The following ARRB1 variants were observed in gnomAD, a reference collection of about 807,000 sequenced individuals.
The protein encoded by ARRB1 is arrestin beta 1.
ARRB1 carries 21 observed loss-of-function variants against 56.8 expected under a neutral mutation model. That is an observed-to-expected ratio of 0.37 (90% confidence interval 0.26 to 0.53). The LOEUF (loss-of-function observed/expected upper bound fraction) is 0.53, where lower values mean the gene tolerates loss of function less well. ARRB1 is among the 20% of genes least tolerant of loss of function. The pLI is 0.88. For synonymous variants in ARRB1, 210 were observed against 218.6 expected, an observed-to-expected ratio of 0.96 and a Z score of 0.35; for missense variants, 424 against 553.7, an observed-to-expected ratio of 0.77 and a Z score of 2.35.
chr11:75,266,259 T>C lies in ARRB1; in HGVS notation c.1161A>G (p.Val387=), dbSNP rs368908739. The change falls in exon 16 of 16, where the codon GTA becomes GTG. Residue 387 remains valine (V), a synonymous_variant. Transcript: ENST00000420843. Reference sequence around the variant, plus strand: ...GTCTCTGGCGAGCAAAGTCCTCAAATACAATGTCGTCATCACTGGTGGGAG... The same window carrying C: ...GTCTCTGGCGAGCAAAGTCCTCAAACACAATGTCGTCATCACTGGTGGGAG... ...IELDTNDDDI[V]FEDFARQRLK... is the part of the protein sequence containing the mutation. 42 of 1,614,002 alleles carry C rather than the reference T, an allele frequency of 2.6e-5. No individual in the cohort carries two copies. The highest frequency in any genetic ancestry group is 3.5e-5 in the Non-Finnish European group (41 of 1,179,974).
rs189085145 is a variant in ARRB1 at position 75,320,462 on chromosome 11, G to C, written c.21-30423C>G. ...GCGGGAAAGAAGCTGAGGCCTCCAA[G>C]GGCGGGTGGCTGGATGGTGGCCCTG... On this transcript the variant is annotated intron_variant, in intron 1 of 15. Coordinates refer to ENST00000420843, the MANE Select transcript of ARRB1 (RefSeq NM_004041.5). 2.4e-3 allele frequency among the ~76,000 whole-genome samples: 364 copies of C among 152,348 alleles called. 3 individuals are homozygous for C. The highest frequency in any genetic ancestry group is 8.1e-3 in the African/African-American group (336 of 41,572).
At chr11:75,290,157 G>A (rs1204827262) in intron 1 of ARRB1, 118 bp from the exon 2 acceptor site, 3 of 1,233,058 alleles carry the variant, frequency 2.4e-6, no homozygotes, top group East Asian at 4.7e-5. Context: ...CAGGCACCAT[G>A]CAGGCTTGAG....
intron 1 of ARRB1, among the ~76,000 whole-genome samples, chr11:75,347,764 G>C (rs1947794433): frequency 6.6e-6 from 1 of 152,142 alleles, no homozygotes; most frequent in East Asian, 1.9e-4. Flanking sequence ...TACACTACTA[G>C]ATTACAGTTG....
At chr11:75,350,517 C>T (rs1030871267) in intron 1 of ARRB1, among the ~76,000 whole-genome samples, 1 of 152,168 alleles carries the variant, frequency 6.6e-6, no homozygotes, top group Non-Finnish European at 1.5e-5. Context: ...AACGCTGAGC[C>T]CCTGACCAGC....
At chr11:75,315,849 T>G (rs1947255590) in intron 1 of ARRB1, among the ~76,000 whole-genome samples, 1 of 152,228 alleles carries the variant, frequency 6.6e-6, no homozygotes, top group African/African-American at 2.4e-5. Flanking sequence ...TCAGCAGGGC[T>G]AGAATTTATA....
Position 75,283,474 on chromosome 11 carries a change from G to A in ARRB1, c.167C>T (p.Thr56Met), listed in dbSNP as rs768631559. ...GCCATAGCGGAAGGCGCAGGTCAGC[G>A]TCACATAGACTGTGGGGAGCGAGGA... ...EYLKERRVYV[T>M]LTCAFRYGRE... Residue 56 changes from threonine to methionine, a missense_variant, in exon 5 of 16, where the codon ACG (threonine) becomes ATG (methionine). Transcript: ENST00000420843. 20 of 1,610,594 alleles carry A rather than the reference G, an allele frequency of 1.2e-5. No individual in the cohort carries two copies. In the South Asian group the frequency reaches 1.4e-4, roughly 12 times the overall value.
In ARRB1 at chr11:75,261,634, G is replaced by A. The variant is rs1237900436; in HGVS notation, c.*4529C>T. ...ACTTCCCTTTTGGGGTGACGAGTTG[G>A]AGTGTGATGGGGGGAGGATGTTTCC... On this transcript the variant is annotated 3_prime_UTR_variant, in exon 16 of 16. Transcript: ENST00000420843. The A allele has an allele frequency of 6.6e-6, 1 of 152,228 alleles. No individual in the cohort carries two copies. The highest frequency in any genetic ancestry group is 6.5e-5 in the Admixed American group (1 of 15,280). The allele number at this position is 152,228 out of a possible 1,614,324, so 9.4% of individuals were successfully genotyped here.
intron 6 of ARRB1, 28 bp downstream of exon 6, chr11:75,281,934 G>C: frequency 6.2e-7 from 1 of 1,611,668 alleles, no homozygotes; most frequent in Non-Finnish European, 8.5e-7. Context: ...CCTGGAGCCA[G>C]AGAGATGGTC....
At chr11:75,320,637 C>T (rs1947333826) in intron 1 of ARRB1, among the ~76,000 whole-genome samples, 1 of 152,204 alleles carries the variant, frequency 6.6e-6, no homozygotes, top group Non-Finnish European at 1.5e-5. Flanking sequence ...ACTCCGATTC[C>T]TCCTTCGAGA....
At chr11:75,311,623 T>C (rs1050693001) in intron 1 of ARRB1, among the ~76,000 whole-genome samples, 9 of 152,322 alleles carry the variant, frequency 5.9e-5, no homozygotes, top group African/African-American at 2.2e-4. Context: ...AATCCCATAA[T>C]GGTGTTATTA....
intron 1 of ARRB1, among the ~76,000 whole-genome samples, chr11:75,316,146 G>A (rs1390606678): frequency 6.6e-6 from 1 of 152,082 alleles, no homozygotes; most frequent in Non-Finnish European, 1.5e-5. Context: ...TGGCCAACAT[G>A]GTGAAACCCC....
intron 13 of ARRB1, chr11:75,269,172 G>T (rs779894037): frequency 4.0e-6 from 3 of 740,988 alleles, no homozygotes; most frequent in South Asian, 2.8e-5. Context: ...AAAAGAAATG[G>T]AAGCCTCCTC....
intron 1 of ARRB1, among the ~76,000 whole-genome samples, chr11:75,302,887 G>A (rs1456009097): frequency 2.0e-5 from 3 of 152,154 alleles, no homozygotes. Flanking sequence ...CGGGTGGGAG[G>A]AGATGGTCAT....
intron 1 of ARRB1, among the ~76,000 whole-genome samples, chr11:75,313,997 A>G (rs1947218888): frequency 2.0e-5 from 3 of 152,150 alleles, no homozygotes; most frequent in Non-Finnish European, 4.4e-5. Context: ...ACCGCTCCCA[A>G]GAGCTCTTCA....
intron 1 of ARRB1, among the ~76,000 whole-genome samples, chr11:75,329,924 C>T (rs556848745): frequency 3.2e-4 from 49 of 152,150 alleles, no homozygotes; most frequent in African/African-American, 1.1e-3. Flanking sequence ...CACTTGACCC[C>T]AGGAGTTCGA....
chr11:75,351,445 A>G, intron 1 of ARRB1, 143 bp downstream of exon 1: 1 of 1,294,690 alleles, frequency 7.7e-7, no homozygotes, highest in Non-Finnish European at 1.0e-6. Flanking sequence ...GAGACCACAC[A>G]GGAGACCTCG....
chr11:75,349,454 G>C (rs1947815970), intron 1 of ARRB1, among the ~76,000 whole-genome samples: 1 of 152,182 alleles, frequency 6.6e-6, no homozygotes, highest in African/African-American at 2.4e-5. Context: ...TCAGAGACAG[G>C]GTCTCCAACA....
intron 12 of ARRB1, among the ~76,000 whole-genome samples, chr11:75,272,171 C>T (rs1044140884): frequency 2.6e-5 from 4 of 152,228 alleles, no homozygotes; most frequent in Non-Finnish European, 5.9e-5. Flanking sequence ...CATACTGCCA[C>T]CTGCCAAGAG....
chr11:75,268,892 C>G lies in ARRB1; in HGVS notation c.1090G>C (p.Glu364Gln), dbSNP rs1242776399. ...PKPKEEPPHR[E>Q]VPENETPVDT... is the part of the protein sequence containing the mutation. ...GAGACCTACAGATTCTGCTCACCTT[C>G]CCGATGCGGGGGTTCCTCTTTGGGC... Residue 364 changes from glutamate to glutamine, a missense_variant, in exon 14 of 16, where the codon GAA becomes CAA. Physicochemically the swap from Glu to Gln is conservative, Grantham distance 29 (BLOSUM62 2). Around this residue, in one of 3 missense-constraint regions of ARRB1, gnomAD observed 121 missense variants for 147.3 expected, o/e 0.82. Transcript: ENST00000420843. 1 of 1,608,916 alleles carries G rather than the reference C, an allele frequency of 6.2e-7. No homozygotes were observed. Among genetic ancestry groups the G allele is most frequent in the African/African-American group, 1.3e-5 (1 of 74,524 alleles).
Sources: allele counts gnomAD v4.1 joint callset (sites outside exome capture counted in the v4.1 genomes callset), GRCh38; gene constraint gnomAD v4.1.1; regional missense constraint gnomAD v4.1.1; transcripts MANE v1.5; gene names NCBI Gene and HGNC (gene_info 2026-07-23, HGNC 2026-07-21).